NFIC: variants seen among roughly 807,000 people sequenced by gnomAD.
The protein encoded by NFIC is nuclear factor I C, also known as nuclear factor 1 C-type.
A neutral mutation model predicts 54.4 loss-of-function variants in NFIC; 12 were observed. That is an observed-to-expected ratio of 0.22 (90% CI 0.14 to 0.36). The LOEUF (loss-of-function observed/expected upper bound fraction) is 0.36. Among genes scored for constraint, NFIC ranks in the 10% least tolerant of loss-of-function variants. The probability of loss-of-function intolerance (pLI) is 1.00; values close to 1 mark genes in which losing one functional copy is unlikely to be tolerated. For missense variants in NFIC, 575 were observed against 718.2 expected, an observed-to-expected ratio of 0.80 and a Z score of 2.28; for synonymous variants, 322 against 319.2, an observed-to-expected ratio of 1.01 and a Z score of -0.09.
At chr19:3,397,641 C>T (rs1044738463) in intron 2 of NFIC, among the ~76,000 whole-genome samples, 3 of 152,218 alleles carry the variant, frequency 2.0e-5, no homozygotes, top group African/African-American at 4.8e-5. Flanking sequence ...CTCCTCCCAG[C>T]CCCCCATCCC....
chr19:3,463,469 C>T lies in NFIC; in HGVS notation c.*700C>T. ...GCCAGGGGAGGAAGTGAGGCCCAGG[C>T]ACCTGCTGCCCCTCGAGGGGGCCCT... On this transcript the variant is annotated 3_prime_UTR_variant, in exon 11 of 11. Coordinates refer to ENST00000443272, the MANE Select transcript of NFIC (RefSeq NM_001245002.2). The T allele has an allele frequency of 6.1e-6, 6 of 985,412 alleles. No individual in the cohort carries two copies. The highest frequency in any genetic ancestry group is 7.2e-6 in the Non-Finnish European group (6 of 829,980). 61.0% of individuals were successfully genotyped at this position (985,412 alleles called of 1,614,324 possible). A position where few individuals can be genotyped will look rare whatever the true frequency, so the allele number is the denominator to read the frequency against.
At chr19:3,450,933 T>G (rs910277759) in intron 7 of NFIC, among the ~76,000 whole-genome samples, 1 of 152,190 alleles carries the variant, frequency 6.6e-6, no homozygotes, top group African/African-American at 2.4e-5. Context: ...ATATGTCCTG[T>G]GGCAGCTCTC....
chr19:3,371,812 C>T (rs2145438255), intron 1 of NFIC, among the ~76,000 whole-genome samples: 1 of 152,136 alleles, frequency 6.6e-6, no homozygotes, highest in African/African-American at 2.4e-5. Flanking sequence ...CCTGGAAAGG[C>T]CCAGGCTCAG....
intron 1 of NFIC, among the ~76,000 whole-genome samples, chr19:3,378,546 G>C (rs1477804827): frequency 6.6e-6 from 1 of 152,240 alleles, no homozygotes; most frequent in Admixed American, 6.5e-5. Flanking sequence ...GGGGAAGTCA[G>C]ATGAGTGCAG....
Position 3,458,255 on chromosome 19 carries a change from C to T in NFIC, c.1509+1620C>T, listed in dbSNP as rs1458289063. Among the ~76,000 whole-genome samples, 1 of 152,206 alleles carries T rather than the reference C, an allele frequency of 6.6e-6. No individual in the cohort carries two copies. Among genetic ancestry groups the T allele is most frequent in the Non-Finnish European group, 1.5e-5 (1 of 68,034 alleles). On this transcript the variant is annotated intron_variant, in intron 10 of 10. Transcript: ENST00000443272. The surrounding 1 kb of genome is among the most constrained non-coding windows in gnomAD (Gnocchi z 4.1). ...TGGGCCCCCTATGGCCAACCTCTCCCCCGCCTGGTGCTGATGGAGCCCGGC... is the reference window on the plus strand; with the variant it reads ...TGGGCCCCCTATGGCCAACCTCTCCTCCGCCTGGTGCTGATGGAGCCCGGC...
rs1395791962 is a variant in NFIC, at chr19:3,458,900, C to T, written c.1509+2265C>T. On this transcript the variant is annotated intron_variant, in intron 10 of 10. Coordinates refer to ENST00000443272, the MANE Select transcript of NFIC (RefSeq NM_001245002.2). This position sits in a 1 kb window ranked among gnomAD's most constrained non-coding sequence, Gnocchi z 4.1. The stretch of plus-strand genomic sequence containing the variant: ...CATGGGTTAGGGGGAAGGCGAGGTC[C>T]CCAAACTGGGCATCCAGGGAGCACA... Among the ~76,000 whole-genome samples, 1 of 152,036 alleles carries T rather than the reference C, an allele frequency of 6.6e-6. No individual in the cohort carries two copies. Among genetic ancestry groups the T allele is most frequent in the Non-Finnish European group, 1.5e-5 (1 of 67,986 alleles).
intron 6 of NFIC, among the ~76,000 whole-genome samples, chr19:3,445,260 C>T (rs1247590066): frequency 1.3e-5 from 2 of 152,232 alleles, no homozygotes; most frequent in Non-Finnish European, 2.9e-5. Context: ...CAAGACCAGC[C>T]TGGCCTCCCC....
Position 3,456,604 on chromosome 19 carries a change from C to T in NFIC, c.1478C>T (p.Pro493Leu). 1 of 1,545,284 alleles carries T rather than the reference C, an allele frequency of 6.5e-7. No individual in the cohort carries two copies. Residue 493 changes from proline to leucine, a missense_variant, in exon 10 of 11, where the codon CCA becomes CTA. Coordinates refer to ENST00000443272, the MANE Select transcript of NFIC (RefSeq NM_001245002.2). ...AACCGTTCCTTTGTGGGATTAGGAC[C>T]AAGGGATCCTGCGGGCATTTATCAG... ...PANRSFVGLGPRDPAGIYQAQ... is the reference protein window; with the variant it reads ...PANRSFVGLGLRDPAGIYQAQ...
chr19:3,427,780 T>C (rs537077821), intron 3 of NFIC, among the ~76,000 whole-genome samples: 2 of 135,096 alleles, frequency 1.5e-5, no homozygotes, highest in Admixed American at 7.9e-5. Context: ...TGAGCCGAGA[T>C]TGTGCACCCT....
At chr19:3,408,028 C>G (rs759221838) in intron 2 of NFIC, among the ~76,000 whole-genome samples, 2 of 152,124 alleles carry the variant, frequency 1.3e-5, no homozygotes, top group Non-Finnish European at 2.9e-5. Context: ...CTGGGAATTC[C>G]AGGGCCTGGC....
rs2082420405 is a variant in NFIC at position 3,449,271 on chromosome 19, T to C, written c.1084+132T>C. ...AGCCTTCTAGGTGGGCAAAAAACCA[T>C]AGAGGTGCCGTAGTGGAGAGCGCCC... On this transcript the variant is annotated intron_variant, in intron 7 of 10. Transcript: ENST00000443272. 7.3e-6 allele frequency: 10 copies of C among 1,365,120 alleles called. No individual in the cohort carries two copies. In the South Asian group the frequency reaches 1.5e-4, roughly 21 times the overall value. The allele number at this position is 1,365,120 out of a possible 1,614,324, so 84.6% of individuals were successfully genotyped here.
At chr19:3,364,499 G>A (rs2080857684), upstream of NFIC, among the ~76,000 whole-genome samples, 1 of 152,100 alleles carries the variant, frequency 6.6e-6, no homozygotes, top group Admixed American at 6.6e-5. Flanking sequence ...ACCCAAACTG[G>A]GATATAGGCT....
At chr19:3,366,529 C>T (rs1179652594), upstream of NFIC, 3 of 342,230 alleles carry the variant, frequency 8.8e-6, no homozygotes, top group East Asian at 5.2e-5. Flanking sequence ...GCGCCGGCCG[C>T]GGGGCGGGGG....
chr19:3,398,795 AGGGG>A (rs2081507022), intron 2 of NFIC, among the ~76,000 whole-genome samples: 1 of 152,174 alleles, frequency 6.6e-6, no homozygotes, highest in Non-Finnish European at 1.5e-5. Flanking sequence ...CGCTTACATA[AGGGG>A]AGGCCGGGCC....
chr19:3,394,514 T>TCCCCCCCCCC (rs199958298), intron 2 of NFIC, among the ~76,000 whole-genome samples: 16 of 25,238 alleles, frequency 6.3e-4, no homozygotes, highest in African/African-American at 8.8e-4. Context: ...TATGATCTTT[T>TCCCCCCCCCC]CCCCACCCAC....
chr19:3,363,969 G>T (rs555659736), upstream of NFIC, among the ~76,000 whole-genome samples: 1 of 152,320 alleles, frequency 6.6e-6, no homozygotes, highest in African/African-American at 2.4e-5. Context: ...GGAGCCACTG[G>T]TTTTACTCAG....
chr19:3,430,948 A>G (rs1239850069), intron 3 of NFIC, among the ~76,000 whole-genome samples: 1 of 144,810 alleles, frequency 6.9e-6, no homozygotes, highest in Non-Finnish European at 1.6e-5. Flanking sequence ...AAAAAAAAAG[A>G]AAAGAAAAAG....
intron 2 of NFIC, among the ~76,000 whole-genome samples, chr19:3,398,700 A>G (rs1472914240): frequency 3.3e-4 from 50 of 152,170 alleles, no homozygotes; most frequent in Admixed American, 3.3e-3. Flanking sequence ...CCAGCCCCAC[A>G]GACAGCCCGG....
At chr19:3,382,305 G>A in intron 2 of NFIC, 62 bp downstream of exon 2, 6 of 1,557,974 alleles carry the variant, frequency 3.9e-6, no homozygotes, top group Non-Finnish European at 5.2e-6. Flanking sequence ...TGGTGACACG[G>A]GGCCAGGAGG....
Sources: allele counts gnomAD v4.1 joint callset (sites outside exome capture counted in the v4.1 genomes callset), GRCh38; gene constraint gnomAD v4.1.1; non-coding constraint Gnocchi (gnomAD v3.1); transcripts MANE v1.5; gene names NCBI Gene and HGNC (gene_info 2026-07-23, HGNC 2026-07-21).